The following CCT2 variants were observed in gnomAD, a reference collection of about 807,000 sequenced individuals.
CCT2 encodes the protein chaperonin containing TCP1 subunit 2, also known as T-complex protein 1 subunit beta.
A neutral mutation model predicts 61.8 loss-of-function variants in CCT2; 18 were observed. That is an observed-to-expected ratio of 0.29 (90% CI 0.20 to 0.43). CCT2 has a LOEUF of 0.43. Ranked by LOEUF, CCT2 falls within the 20% of genes least tolerant of loss-of-function variation. CCT2 has a pLI of 1.00. For missense variants in CCT2, 556 were observed against 656.9 expected, an observed-to-expected ratio of 0.85 and a Z score of 1.68; for synonymous variants, 248 against 215.9, an observed-to-expected ratio of 1.15 and a Z score of -1.30.
chr12:69,594,582 T>C (rs2135856316), intron 10 of CCT2, among the ~76,000 whole-genome samples: 1 of 152,292 alleles, frequency 6.6e-6, no homozygotes, highest in South Asian at 2.1e-4. Context: ...TCAGGCTGGT[T>C]GCGGTGGCTC....
intron 10 of CCT2, among the ~76,000 whole-genome samples, chr12:69,594,467 C>G (rs1005067915): frequency 2.0e-5 from 3 of 152,058 alleles, no homozygotes; most frequent in Non-Finnish European, 2.9e-5. Flanking sequence ...ATTAGTATAC[C>G]TCAATACCCT....
At chr12:69,595,990 T>C (rs1350646033) in intron 10 of CCT2, among the ~76,000 whole-genome samples, 2 of 152,214 alleles carry the variant, frequency 1.3e-5, no homozygotes, top group African/African-American at 4.8e-5. Context: ...AAAGATTGCT[T>C]GTGCCCAGGA....
At chr12:69,588,334 A>C in intron 6 of CCT2, 72 bp downstream of exon 6, 1 of 1,095,334 alleles carries the variant, frequency 9.1e-7, no homozygotes, top group South Asian at 1.3e-5. Flanking sequence ...CAAGAAATCT[A>C]TAGGACACTG....
chr12:69,599,903 T>G lies in CCT2; in HGVS notation c.1476T>G (p.Gly492=), dbSNP rs1234989775. ...EGTIGDMAIL[G]ITESFQVKRQ... ...CCATTGGAGATATGGCTATCCTGGG[T>G]ATAACAGAAAGTTTTCAAGTGAAGC... The change falls in exon 15 of 16, where the codon GGT becomes GGG. Residue 492 remains glycine (G), a synonymous_variant. Coordinates refer to ENST00000299300, the MANE Select transcript of CCT2 (RefSeq NM_006431.3). The G allele has an allele frequency of 1.9e-6, 3 of 1,613,830 alleles. No individual in the cohort carries two copies. The highest frequency in any genetic ancestry group is 1.7e-6 in the Non-Finnish European group (2 of 1,179,810).
At chr12:69,586,083 C>A in intron 1 of CCT2, 187 bp from the exon 2 acceptor site, 1 of 1,290,674 alleles carries the variant, frequency 7.7e-7, no homozygotes, top group Non-Finnish European at 1.0e-6. Flanking sequence ...AGCCATGTCG[C>A]TCTCCTACAA....
At position 69,585,484 on chromosome 12, in the gene CCT2, G is replaced by C; in HGVS notation, c.-38G>C. On this transcript the variant is annotated 5_prime_UTR_variant, in exon 1 of 16. Coordinates refer to ENST00000299300, the MANE Select transcript of CCT2 (RefSeq NM_006431.3). ...AGTCCGCTGGTCCCGAGCACGAGCT[G>C]TGAGGGGATTCACTTGTGTGCGGAA... 1 of 1,558,662 alleles carries C rather than the reference G, an allele frequency of 6.4e-7. No individual in the cohort carries two copies.
chr12:69,596,951 A>G lies in CCT2; in HGVS notation c.983-205A>G, dbSNP rs142359165. 3.9e-5 allele frequency among the ~76,000 whole-genome samples: 6 copies of G among 152,350 alleles called. No individual in the cohort carries two copies. In the East Asian group the frequency reaches 1.2e-3, roughly 29 times the overall value. ...TTTATCATGTGTAAAATGGGATAATAATGGAGCCTATCCAAGAGGATTATT... is the reference window on the plus strand; with the variant it reads ...TTTATCATGTGTAAAATGGGATAATGATGGAGCCTATCCAAGAGGATTATT... On this transcript the variant is annotated intron_variant, in intron 10 of 15. Coordinates refer to ENST00000299300, the MANE Select transcript of CCT2 (RefSeq NM_006431.3).
intron 8 of CCT2, chr12:69,592,727 AGACT>A (rs1881872393): frequency 3.0e-6 from 1 of 329,370 alleles, no homozygotes; most frequent in Non-Finnish European, 5.6e-6. Flanking sequence ...GTTCAAGGCC[AGACT>A]GACCAATGTG....
chr12:69,590,354 A>T (rs985843527), intron 7 of CCT2, among the ~76,000 whole-genome samples: 73 of 152,220 alleles, frequency 4.8e-4, no homozygotes, highest in Middle Eastern at 3.4e-3. Flanking sequence ...GAAAAGAATT[A>T]AAAAAAATTT....
chr12:69,591,997 A>G lies in CCT2; in HGVS notation c.650-62A>G, dbSNP rs1881848178. 1.9e-5 allele frequency: 18 copies of G among 951,260 alleles called. No individual in the cohort carries two copies. In the South Asian group the frequency reaches 2.3e-4, roughly 12 times the overall value. 58.9% of individuals were successfully genotyped at this position (951,260 alleles called of 1,614,324 possible). A position where few individuals can be genotyped will look rare whatever the true frequency, so the allele number is the denominator to read the frequency against. On this transcript the variant is annotated intron_variant, in intron 7 of 15. Transcript: ENST00000299300. ...GATATGATAAAGCAGACAGCTTTTT[A>G]TAAGATTTACTAAGGCTGCTTTGAA...
At chr12:69,591,409 A>G (rs1565799626) in intron 7 of CCT2, among the ~76,000 whole-genome samples, 1 of 152,178 alleles carries the variant, frequency 6.6e-6, no homozygotes, top group African/African-American at 2.4e-5. Context: ...AGCCAGCAGC[A>G]GGGGCATGAT....
At chr12:69,599,084 T>C (rs1336867698) in intron 14 of CCT2, among the ~76,000 whole-genome samples, 2 of 152,168 alleles carry the variant, frequency 1.3e-5, no homozygotes, top group African/African-American at 4.8e-5. Context: ...ATTATTGTTG[T>C]TATTACTATT....
chr12:69,585,733 G>C, intron 1 of CCT2: 1 of 1,456,298 alleles, frequency 6.9e-7, no homozygotes, highest in East Asian at 2.5e-5. Flanking sequence ...CGCAAAGCCA[G>C]CGTCTCCTTG....
At chr12:69,585,835 C>A (rs1011885097) in intron 1 of CCT2, 7 of 1,330,302 alleles carry the variant, frequency 5.3e-6, no homozygotes, top group Non-Finnish European at 6.7e-6. Flanking sequence ...CGCCCTCCTT[C>A]TAGGGGCGGA....
At chr12:69,586,060 T>C in intron 1 of CCT2, 2 of 1,383,194 alleles carry the variant, frequency 1.4e-6, no homozygotes, top group South Asian at 1.6e-5. Flanking sequence ...CCGGGGGCCT[T>C]GTAAATCCGA....
chr12:69,598,572 T>G lies in CCT2; in HGVS notation c.1435+151T>G, dbSNP rs1717634988. 6.6e-6 allele frequency: 3 copies of G among 454,832 alleles called. No individual in the cohort carries two copies. In the South Asian group the frequency reaches 2.2e-4, roughly 33 times the overall value. The allele number at this position is 454,832 out of a possible 1,614,324, so 28.2% of individuals were successfully genotyped here. A position where few individuals can be genotyped will look rare whatever the true frequency, so the allele number is the denominator to read the frequency against. On this transcript the variant is annotated intron_variant, in intron 14 of 15. Transcript: ENST00000299300. Reference sequence around the variant, plus strand: ...ATAATCATTACATGTGCTGGGAAAATGTGTGTGACTTTATATGCTCAGCAT... The same window carrying G: ...ATAATCATTACATGTGCTGGGAAAAGGTGTGTGACTTTATATGCTCAGCAT...
chr12:69,597,883 A>G (rs1882036950), intron 12 of CCT2, 85 bp from the exon 13 acceptor site: 1 of 1,415,762 alleles, frequency 7.1e-7, no homozygotes, highest in African/African-American at 1.4e-5. Context: ...AAATTTTAAA[A>G]TGCTTGGCAT....
At chr12:69,588,889 A>G (rs1029805459) in intron 6 of CCT2, among the ~76,000 whole-genome samples, 3 of 152,158 alleles carry the variant, frequency 2.0e-5, no homozygotes, top group African/African-American at 4.8e-5. Flanking sequence ...TTGCCCATTC[A>G]CAACTGTATA....
chr12:69,587,801 C>G, intron 4 of CCT2, 129 bp from the exon 5 acceptor site: 1 of 806,856 alleles, frequency 1.2e-6, no homozygotes, highest in Admixed American at 2.3e-5. Context: ...TGTTGCATTT[C>G]AGACCTCAGA....
Sources: gnomAD v4.1 joint callset for allele counts (sites outside exome capture counted in the v4.1 genomes callset) on GRCh38, gnomAD v4.1.1 for gene constraint, MANE v1.5 for transcripts, NCBI Gene and HGNC (gene_info 2026-07-23, HGNC 2026-07-21) for gene names.